CDC73: variants seen among roughly 807,000 people sequenced by gnomAD.
CDC73 encodes cell division cycle 73.
Under a neutral mutation model 83.7 loss-of-function variants are expected in CDC73, and 21 were observed. The observed-to-expected ratio is 0.25, with a 90% CI of 0.18 to 0.36. The LOEUF is 0.36. Among genes scored for constraint, CDC73 ranks in the 10% least tolerant of loss-of-function variants. CDC73 has a pLI of 1.00. For missense variants in CDC73, 342 were observed against 653.3 expected (o/e 0.52, Z 5.19); for synonymous variants, 224 against 212.9 (o/e 1.05, Z -0.45).
At chr1:193,174,478 G>A (rs1378585294) in intron 10 of CDC73, among the ~76,000 whole-genome samples, 2 of 152,190 alleles carry the variant, frequency 1.3e-5, no homozygotes, top group East Asian at 3.9e-4. Flanking sequence ...ATTTTCAAAT[G>A]AATCTGAAGC....
chr1:193,127,185 G>A (rs1214933609), intron 2 of CDC73, among the ~76,000 whole-genome samples: 2 of 151,784 alleles, frequency 1.3e-5, no homozygotes, highest in Non-Finnish European at 2.9e-5. Context: ...GAGGTGGGAG[G>A]ATCACTTGGG....
At chr1:193,180,047 G>A in intron 10 of CDC73, 2 of 305,230 alleles carry the variant, frequency 6.6e-6, no homozygotes, top group Non-Finnish European at 1.2e-5. Context: ...ATGCATGCTT[G>A]TTATTGCATG....
rs1219522139 is a variant in CDC73 at position 193,252,387 on chromosome 1, A to AG, written c.*1675_*1676insG. The stretch of plus-strand genomic sequence containing the variant: ...GAAATAGTCAAGGACCAGAATCTGT[A>AG]ATATTTTTATGTAAGATTACTTGTC... On this transcript the variant is annotated 3_prime_UTR_variant, in exon 17 of 17. Transcript: ENST00000367435. 8.7e-6 allele frequency: 2 copies of AG among 229,772 alleles called. No homozygotes were observed. The highest frequency in any genetic ancestry group is 4.4e-5 in the African/African-American group (2 of 45,186). 14.2% of individuals were successfully genotyped at this position (229,772 alleles called of 1,614,324 possible). A position where few individuals can be genotyped will look rare whatever the true frequency, so the allele number is the denominator to read the frequency against.
At chr1:193,131,599 T>C (rs1490354520) in intron 3 of CDC73, among the ~76,000 whole-genome samples, 2 of 152,232 alleles carry the variant, frequency 1.3e-5, no homozygotes, top group Non-Finnish European at 2.9e-5. Flanking sequence ...TCATCTTGCC[T>C]CTGCCTAAAT....
chr1:193,185,735 A>G (rs1002888924), intron 10 of CDC73, among the ~76,000 whole-genome samples: 1 of 151,940 alleles, frequency 6.6e-6, no homozygotes, highest in African/African-American at 2.4e-5. Context: ...ATTTTTTTTT[A>G]AGTTTAATTT....
At chr1:193,190,370 T>A (rs1676898650) in intron 10 of CDC73, among the ~76,000 whole-genome samples, 1 of 152,216 alleles carries the variant, frequency 6.6e-6, no homozygotes, top group Non-Finnish European at 1.5e-5. Flanking sequence ...ATGGCTTGTT[T>A]TTGGTTATTT....
intron 10 of CDC73, among the ~76,000 whole-genome samples, chr1:193,200,742 G>C (rs1332937608): frequency 6.6e-6 from 1 of 151,576 alleles, no homozygotes; most frequent in African/African-American, 2.4e-5. Context: ...TATTTTTTCT[G>C]TTTCTTAATA....
At chr1:193,236,635 C>T (rs1677763756) in intron 15 of CDC73, among the ~76,000 whole-genome samples, 1 of 152,020 alleles carries the variant, frequency 6.6e-6, no homozygotes, top group Admixed American at 6.5e-5. Context: ...TGGCTCACAC[C>T]TGTAATCTCA....
chr1:193,225,087 T>C (rs1677543302), intron 13 of CDC73, among the ~76,000 whole-genome samples: 1 of 151,966 alleles, frequency 6.6e-6, no homozygotes, highest in African/African-American at 2.4e-5. Context: ...CTCATGCCTT[T>C]GCATCCTCAT....
rs1677621901 is a variant in CDC73, at chr1:193,229,549, AATATC to A, written c.1155-3443_1155-3439del. ...GACCTCACTAGACACCAGACTTGCC[AATATC>A]TTGGTCTTGGCTTCGTAGCCTCCAG... On this transcript the variant is annotated intron_variant, in intron 13 of 16. Coordinates refer to ENST00000367435, the MANE Select transcript of CDC73 (RefSeq NM_024529.5). Among the ~76,000 whole-genome samples the A allele has an allele frequency of 2.6e-5, 4 of 152,206 alleles. No homozygotes were observed. In the South Asian group the frequency reaches 8.3e-4, roughly 31 times the overall value.
At chr1:193,135,723 A>G (rs1055974721) in intron 5 of CDC73, 134 bp downstream of exon 5, 8 of 677,120 alleles carry the variant, frequency 1.2e-5, no homozygotes, top group Admixed American at 2.6e-5. Context: ...AGAAAGAACA[A>G]TTGATTAATA....
intron 14 of CDC73, among the ~76,000 whole-genome samples, chr1:193,234,696 T>C (rs1010430567): frequency 1.1e-4 from 17 of 152,062 alleles, no homozygotes; most frequent in African/African-American, 3.9e-4. Context: ...TGAGACCCAG[T>C]AGAATATAAG....
At chr1:193,157,620 C>G (rs1676230223) in intron 10 of CDC73, among the ~76,000 whole-genome samples, 1 of 152,192 alleles carries the variant, frequency 6.6e-6, no homozygotes. Context: ...AAGAGGTTTT[C>G]TCTAGATTGC....
intron 1 of CDC73, among the ~76,000 whole-genome samples, chr1:193,123,316 C>T (rs1488384490): frequency 6.6e-6 from 1 of 152,188 alleles, no homozygotes; most frequent in African/African-American, 2.4e-5. Flanking sequence ...CAATCTTTGC[C>T]TCCTGGGTTC....
At chr1:193,158,336 TAGAA>T (rs1196942050) in intron 10 of CDC73, among the ~76,000 whole-genome samples, 3 of 151,172 alleles carry the variant, frequency 2.0e-5, no homozygotes, top group African/African-American at 7.3e-5. Context: ...GACTCATACT[TAGAA>T]AGAAATGTAA....
intron 3 of CDC73, among the ~76,000 whole-genome samples, chr1:193,135,050 A>ATG (rs1379067480): frequency 7.7e-6 from 1 of 130,658 alleles, no homozygotes; most frequent in South Asian, 2.9e-4. Flanking sequence ...ATGTGTGTGT[A>ATG]TGTGTGTGTG....
chr1:193,123,633 G>A (rs1388008568), intron 1 of CDC73, among the ~76,000 whole-genome samples: 2 of 151,914 alleles, frequency 1.3e-5, no homozygotes, highest in Non-Finnish European at 1.5e-5. Flanking sequence ...CGAATAATTT[G>A]CATAGGTAGA....
chr1:193,183,427 T>C (rs1409449550), intron 10 of CDC73, among the ~76,000 whole-genome samples: 1 of 148,002 alleles, frequency 6.8e-6, no homozygotes, highest in South Asian at 2.2e-4. Context: ...TCTAGTATGC[T>C]ATTTGTTAGA....
intron 3 of CDC73, among the ~76,000 whole-genome samples, chr1:193,132,670 T>A (rs1331475888): frequency 6.6e-6 from 1 of 152,004 alleles, no homozygotes; most frequent in African/African-American, 2.4e-5. Context: ...TTTCTCTAAC[T>A]TTTTAAGTGA....
Sources: allele counts gnomAD v4.1 joint callset (sites outside exome capture counted in the v4.1 genomes callset), GRCh38; gene constraint gnomAD v4.1.1; transcripts MANE v1.5; gene names NCBI Gene and HGNC (gene_info 2026-07-23, HGNC 2026-07-21).